Variants in ANKRD42 observed in about 807,000 individuals in gnomAD.
ANKRD42 encodes ankyrin repeat domain-containing protein 42.
In ANKRD42, 43 loss-of-function variants were observed where a neutral mutation model predicts 51.5. The ratio of observed to expected loss-of-function variants is 0.83; its 90% CI spans 0.65 to 1.08. The LOEUF (loss-of-function observed/expected upper bound fraction) is 1.08. Ranked by LOEUF, ANKRD42 falls within the 50% of genes least tolerant of loss-of-function variation. ANKRD42 has a pLI of 0.00. For missense variants in ANKRD42, 608 were observed against 629.3 expected (o/e 0.97, Z 0.36); for synonymous variants, 203 against 213.0 (o/e 0.95, Z 0.41).
At chr11:83,205,320 T>C (rs1565177302) in intron 2 of ANKRD42, among the ~76,000 whole-genome samples, 1 of 152,210 alleles carries the variant, frequency 6.6e-6, no homozygotes, top group Non-Finnish European at 1.5e-5. Context: ...TTTAATATTT[T>C]ATTGTCATTA....
At chr11:83,258,684 A>G (rs971874664), downstream of ANKRD42, among the ~76,000 whole-genome samples, 3 of 152,224 alleles carry the variant, frequency 2.0e-5, no homozygotes, top group Non-Finnish European at 2.9e-5. Context: ...TCAAAATAGC[A>G]ATCAGTAGTT....
intron 7 of ANKRD42, among the ~76,000 whole-genome samples, chr11:83,233,315 G>C (rs1005687779): frequency 6.6e-6 from 1 of 151,170 alleles, no homozygotes; most frequent in Non-Finnish European, 1.5e-5. Context: ...GTTCAATCTT[G>C]GTAGGTTGTT....
In ANKRD42 at chr11:83,214,345, G is replaced by A. The variant is rs1280745229; in HGVS notation, c.586+2915G>A. ...CATATTTATATTCCCAATCCTCCTA[G>A]AACTGACTTTTCCGTGTGTAATACA... is the stretch of plus-strand genomic sequence containing the variant. On this transcript the variant is annotated intron_variant, in intron 5 of 10. Coordinates refer to ENST00000533342, the MANE Select transcript of ANKRD42 (RefSeq NM_001300975.2). 5 of 781,334 alleles carry A rather than the reference G, an allele frequency of 6.4e-6. No individual in the cohort carries two copies. The African/African-American group carries it at 9.4e-5, about 15-fold the overall frequency. The allele number at this position is 781,334 out of a possible 1,614,324, so 48.4% of individuals were successfully genotyped here.
rs779108754 is a variant in ANKRD42 at position 83,210,373 on chromosome 11, C to G, written c.404C>G (p.Thr135Ser). 11 of 1,613,956 alleles carry G rather than the reference C, an allele frequency of 6.8e-6. No homozygotes were observed. Among genetic ancestry groups the G allele is most frequent in the Non-Finnish European group, 3.4e-6 (4 of 1,179,960 alleles). Reference sequence around the variant, plus strand: ...TGCACTCCTTTACATCTTGCTGCAACTCATGGACATTCTTTCACTTTACAA... The same window carrying G: ...TGCACTCCTTTACATCTTGCTGCAAGTCATGGACATTCTTTCACTTTACAA... ...RGCTPLHLAA[T>S]HGHSFTLQIM... Residue 135 changes from threonine (T) to serine (S), a missense_variant, in exon 4 of 11, where the codon ACT becomes AGT. By Grantham distance (58) the Thr-to-Ser change is moderately conservative. Transcript: ENST00000533342.
rs1165808811 is a variant in ANKRD42, at chr11:83,215,650, A to C, written c.586+4220A>C. ...TTACCATGAGTCTTACATTTTATAGATATAACAGATTATTTTAAAGAGATG... is the reference window on the plus strand; with the variant it reads ...TTACCATGAGTCTTACATTTTATAGCTATAACAGATTATTTTAAAGAGATG... On this transcript the variant is annotated intron_variant, in intron 5 of 10. Coordinates refer to ENST00000533342, the MANE Select transcript of ANKRD42 (RefSeq NM_001300975.2). Among the ~76,000 whole-genome samples the C allele has an allele frequency of 2.6e-5, 4 of 152,096 alleles. No homozygotes were observed. The East Asian group carries it at 7.7e-4, about 29-fold the overall frequency.
intron 5 of ANKRD42, among the ~76,000 whole-genome samples, chr11:83,215,524 TTTC>T (rs1182073372): frequency 6.6e-6 from 1 of 152,218 alleles, no homozygotes; most frequent in African/African-American, 2.4e-5. Context: ...CCTACGTTCC[TTTC>T]TTCTTGTCTT....
chr11:83,212,616 A>G (rs1225796076), intron 5 of ANKRD42: 3 of 1,473,380 alleles, frequency 2.0e-6, no homozygotes, highest in African/African-American at 1.4e-5. Flanking sequence ...GGGCAGAATA[A>G]TATGAACAGG....
chr11:83,248,567 A>G lies in ANKRD42; in HGVS notation c.*363A>G. The G allele has an allele frequency of 1.0e-6, 1 of 991,732 alleles. No individual in the cohort carries two copies. The highest frequency in any genetic ancestry group is 1.2e-6 in the Non-Finnish European group (1 of 834,270). The allele number at this position is 991,732 out of a possible 1,614,324, so 61.4% of individuals were successfully genotyped here. ...AATCCATATTTTCTTTCCATAGGGA[A>G]GTTTCTTCATCAATCATCATGGATG... On this transcript the variant is annotated 3_prime_UTR_variant, in exon 11 of 11. Coordinates refer to ENST00000533342, the MANE Select transcript of ANKRD42 (RefSeq NM_001300975.2).
rs1457432203 is a variant in ANKRD42, at chr11:83,193,784, C to T, written c.-887C>T. ...GGAGTCGGGAGGCTGGAAAGAGACT[C>T]CGAGAAAGTACCAGCGGAAGGCGGC... On this transcript the variant is annotated 5_prime_UTR_variant, in exon 1 of 11. Coordinates refer to ENST00000533342, the MANE Select transcript of ANKRD42 (RefSeq NM_001300975.2). 1 of 451,560 alleles carries T rather than the reference C, an allele frequency of 2.2e-6. No homozygotes were observed. The highest frequency in any genetic ancestry group is 2.4e-5 in the Admixed American group (1 of 41,162). The allele number at this position is 451,560 out of a possible 1,614,324, so 28.0% of individuals were successfully genotyped here. A position where few individuals can be genotyped will look rare whatever the true frequency, so the allele number is the denominator to read the frequency against.
chr11:83,245,150 C>T (rs996781654), intron 9 of ANKRD42, among the ~76,000 whole-genome samples: 17 of 152,126 alleles, frequency 1.1e-4, no homozygotes, highest in East Asian at 3.9e-4. Flanking sequence ...GTGATCCACC[C>T]GCCTCGGCCT....
chr11:83,210,389 C>T lies in ANKRD42; in HGVS notation c.420C>T (p.Phe140=), dbSNP rs1438058372. The change falls in exon 4 of 11, where the codon TTC becomes TTT. Residue 140 remains phenylalanine (F), a synonymous_variant. Coordinates refer to ENST00000533342, the MANE Select transcript of ANKRD42 (RefSeq NM_001300975.2). ...TTGCTGCAACTCATGGACATTCTTT[C>T]ACTTTACAAATAATGCTCCGAAGTG... ...LHLAATHGHS[F]TLQIMLRSGV... is the part of the protein sequence containing the mutation. The T allele has an allele frequency of 6.2e-7, 1 of 1,614,024 alleles. No homozygotes were observed. Among genetic ancestry groups the T allele is most frequent in the Admixed American group, 1.7e-5 (1 of 60,024 alleles).
intron 5 of ANKRD42, chr11:83,212,917 A>G (rs566178755): frequency 6.7e-5 from 99 of 1,467,908 alleles, no homozygotes; most frequent in South Asian, 4.3e-4. Context: ...TTTTTTTTAA[A>G]GTAAAATTTA....
At chr11:83,197,682 A>G (rs1220015105) in intron 1 of ANKRD42, among the ~76,000 whole-genome samples, 2 of 152,136 alleles carry the variant, frequency 1.3e-5, no homozygotes, top group African/African-American at 4.8e-5. Flanking sequence ...TCTAATAGTT[A>G]TCTGTTCGTG....
chr11:83,247,234 T>G (rs890073424), intron 10 of ANKRD42, among the ~76,000 whole-genome samples: 3 of 152,066 alleles, frequency 2.0e-5, no homozygotes, highest in African/African-American at 7.2e-5. Flanking sequence ...TAATGACTTT[T>G]TTTTTTGTAT....
chr11:83,195,285 C>G (rs1388672325), intron 1 of ANKRD42, among the ~76,000 whole-genome samples: 1 of 152,170 alleles, frequency 6.6e-6, no homozygotes, highest in African/African-American at 2.4e-5. Flanking sequence ...TGTGCTCCGT[C>G]TTAAGGAACT....
At chr11:83,212,619 T>C in intron 5 of ANKRD42, 1 of 1,481,634 alleles carries the variant, frequency 6.7e-7, no homozygotes, top group Admixed American at 2.0e-5. Context: ...CAGAATAATA[T>C]GAACAGGCCT....
chr11:83,215,660 T>A (rs971880394), intron 5 of ANKRD42, among the ~76,000 whole-genome samples: 2 of 152,228 alleles, frequency 1.3e-5, no homozygotes, highest in Non-Finnish European at 2.9e-5. Context: ...ATATAACAGA[T>A]TATTTTAAAG....
downstream of ANKRD42, chr11:83,261,873 C>G (rs187174441): frequency 6.0e-6 from 9 of 1,495,598 alleles, no homozygotes; most frequent in Middle Eastern, 1.7e-4. Context: ...GTTTGGTGTT[C>G]TAAGAAGCCA....
At chr11:83,236,360 CT>C in intron 7 of ANKRD42, 43 bp from the exon 8 acceptor site, 9 of 1,527,502 alleles carry the variant, frequency 5.9e-6, no homozygotes, top group East Asian at 2.3e-5. Context: ...TAATAACTAA[CT>C]TTTTTGTGTG....
Sources: gnomAD v4.1 joint callset for allele counts (sites outside exome capture counted in the v4.1 genomes callset) on GRCh38, gnomAD v4.1.1 for gene constraint, MANE v1.5 for transcripts, NCBI Gene and HGNC (gene_info 2026-07-23, HGNC 2026-07-21) for gene names.